SCGB2B2: variants seen among roughly 807,000 people sequenced by gnomAD.
SCGB2B2 encodes the protein secretoglobin family 2B member 2, also known as secretoglobin-like protein.
A neutral mutation model predicts 7.6 loss-of-function variants in SCGB2B2; 11 were observed. That is an observed-to-expected ratio of 1.45 (90% CI 0.91 to 2.40). The LOEUF is 2.40. Among genes scored for constraint, SCGB2B2 ranks in the 30% most tolerant of loss-of-function variants. SCGB2B2 has a pLI of 0.00. For synonymous variants in SCGB2B2, 50 were observed against 48.6 expected, an observed-to-expected ratio of 1.03 and a Z score of -0.12; for missense variants, 104 against 115.4, an observed-to-expected ratio of 0.90 and a Z score of 0.45.
chr19:34,612,500 C>A (rs2065960093), intron 1 of SCGB2B2, among the ~76,000 whole-genome samples: 1 of 152,184 alleles, frequency 6.6e-6, no homozygotes. Flanking sequence ...ATAACCCAAT[C>A]ATATTCTTTT....
intron 1 of SCGB2B2, chr19:34,645,541 GACACAC>G (rs112676925): frequency 3.9e-4 from 7 of 17,856 alleles, no homozygotes; most frequent in East Asian, 3.4e-3. Context: ...CACAGACACA[GACACAC>G]ACACACACAC....
chr19:34,609,312 G>A (rs190506278), intron 1 of SCGB2B2, among the ~76,000 whole-genome samples: 88 of 151,992 alleles, frequency 5.8e-4, no homozygotes, highest in Non-Finnish European at 1.1e-3. Flanking sequence ...TTGCTGTGCC[G>A]AAGCTTTTTA....
Position 34,607,158 on chromosome 19 carries a change from C to T in SCGB2B2, c.-2031-10564G>A, listed in dbSNP as rs146980398. Among the ~76,000 whole-genome samples the T allele has an allele frequency of 9.4e-3, 1,430 of 152,326 alleles. 5 individuals carry two copies. Among genetic ancestry groups the T allele is most frequent in the Non-Finnish European group, 0.016 (1,110 of 68,026 alleles). ...TCATGCAGGATTTGTGTTTCTGTGT[C>T]TAGCCTATTTCACTAGGCATAATGT... On this transcript the variant is annotated intron_variant, in intron 1 of 3. Transcript: ENST00000601241.
intron 1 of SCGB2B2, among the ~76,000 whole-genome samples, chr19:34,640,906 T>C (rs749144838): frequency 3.9e-5 from 6 of 152,138 alleles, no homozygotes; most frequent in Admixed American, 6.5e-5. Flanking sequence ...TTTAAAAAGG[T>C]TGGGAAAGTG....
downstream of SCGB2B2, among the ~76,000 whole-genome samples, chr19:34,587,811 G>A (rs752599385): frequency 6.6e-6 from 1 of 152,162 alleles, no homozygotes; most frequent in Non-Finnish European, 1.5e-5. Context: ...TACTCATTCT[G>A]TTGATGTGAT....
rs1372896261 is a variant in SCGB2B2 at position 34,676,038 on chromosome 19, C to T, written c.-2440G>A. On this transcript the variant is annotated 5_prime_UTR_variant, in exon 1 of 4. Coordinates refer to ENST00000601241, the MANE Select transcript of SCGB2B2 (RefSeq NM_001025591.4). ...GGGAAGTAGACCCCAGCGCGGTTGC[C>T]GCTGGTTGTTCGGGTGGCCCGTTTT... The T allele has an allele frequency of 6.6e-6, 1 of 152,202 alleles. No individual in the cohort carries two copies. Among genetic ancestry groups the T allele is most frequent in the African/African-American group, 2.4e-5 (1 of 41,426 alleles). 9.4% of individuals were successfully genotyped at this position (152,202 alleles called of 1,614,324 possible).
At chr19:34,617,312 C>T (rs1021263847) in intron 1 of SCGB2B2, among the ~76,000 whole-genome samples, 17 of 150,752 alleles carry the variant, frequency 1.1e-4, no homozygotes, top group Non-Finnish European at 2.2e-4. Flanking sequence ...TCTTCCTACC[C>T]ATGAGCATGG....
intron 1 of SCGB2B2, among the ~76,000 whole-genome samples, chr19:34,618,994 A>G (rs553668257): frequency 1.3e-5 from 2 of 152,260 alleles, no homozygotes; most frequent in African/African-American, 4.8e-5. Flanking sequence ...AAACAGGTTC[A>G]GCCTGCCTAC....
intron 1 of SCGB2B2, among the ~76,000 whole-genome samples, chr19:34,663,730 G>C (rs2146155003): frequency 1.3e-5 from 2 of 152,220 alleles, no homozygotes; most frequent in Admixed American, 1.3e-4. Context: ...TGTCACAATA[G>C]AAAGATGAGA....
At chr19:34,604,767 A>C (rs1468160320) in intron 1 of SCGB2B2, among the ~76,000 whole-genome samples, 1 of 152,214 alleles carries the variant, frequency 6.6e-6, no homozygotes, top group African/African-American at 2.4e-5. Flanking sequence ...TGCAGTTAAA[A>C]AGTGCATATT....
intron 1 of SCGB2B2, among the ~76,000 whole-genome samples, chr19:34,604,678 C>T (rs1373671649): frequency 1.3e-5 from 2 of 152,180 alleles, no homozygotes; most frequent in Non-Finnish European, 2.9e-5. Flanking sequence ...AAATTATATC[C>T]TCTATTTTAA....
chr19:34,638,650 T>C (rs2066758821), intron 1 of SCGB2B2, among the ~76,000 whole-genome samples: 1 of 152,174 alleles, frequency 6.6e-6, no homozygotes, highest in African/African-American at 2.4e-5. Context: ...AAATAGTCAC[T>C]GGAAAGTTTA....
intron 1 of SCGB2B2, among the ~76,000 whole-genome samples, chr19:34,601,648 T>C (rs960160373): frequency 6.6e-6 from 1 of 152,224 alleles, no homozygotes; most frequent in Non-Finnish European, 1.5e-5. Context: ...TGCTGTTGTA[T>C]AGGAAATTTT....
At chr19:34,625,843 G>A (rs892634174) in intron 1 of SCGB2B2, among the ~76,000 whole-genome samples, 2 of 152,158 alleles carry the variant, frequency 1.3e-5, no homozygotes, top group African/African-American at 2.4e-5. Flanking sequence ...CCTGACCCCC[G>A]AGTAGCCTAA....
Position 34,594,305 on chromosome 19 carries a change from GACACATCAA to G in SCGB2B2, c.107_115del (p.Phe36_Val38del). 6.2e-7 allele frequency: 1 copy of G among 1,614,160 alleles called. No individual in the cohort carries two copies. The highest frequency in any genetic ancestry group is 8.5e-7 in the Non-Finnish European group (1 of 1,180,016). ...AAGCTCCTCCTTCAGGAGGTCTTGG[GACACATCAA>G]ACACAACATTCGCAAGCAGTTTATC... On this transcript the variant is annotated inframe_deletion, in exon 3 of 4. Transcript: ENST00000601241.
chr19:34,640,557 GAAGAA>G (rs1463119097), intron 1 of SCGB2B2: 1 of 152,074 alleles, frequency 6.6e-6, no homozygotes, highest in East Asian at 1.9e-4. Context: ...TCAAATACAT[GAAGAA>G]AATTTCAATA....
rs117052075 is a variant in SCGB2B2, at chr19:34,601,068, G to A, written c.-2031-4474C>T. Among the ~76,000 whole-genome samples, 129 of 152,284 alleles carry A rather than the reference G, an allele frequency of 8.5e-4. 1 individual carries two copies. In the East Asian group the frequency reaches 0.017, roughly 20 times the overall value. ...ATAATCCACATGGAATGGACTTTGT[G>A]TAAGGTGTGGGTAAGAGTCCAATAC... On this transcript the variant is annotated intron_variant, in intron 1 of 3. Transcript: ENST00000601241.
intron 1 of SCGB2B2, among the ~76,000 whole-genome samples, chr19:34,630,739 T>C (rs1040271880): frequency 6.6e-6 from 1 of 152,162 alleles, no homozygotes; most frequent in African/African-American, 2.4e-5. Flanking sequence ...AGTATTACCA[T>C]TTGACCCAGC....
intron 1 of SCGB2B2, among the ~76,000 whole-genome samples, chr19:34,674,778 T>A (rs1473938604): frequency 5.9e-5 from 9 of 152,102 alleles, no homozygotes; most frequent in Admixed American, 2.0e-4. Flanking sequence ...GTTCAGCAAA[T>A]CCCAAGCAGG....
Sources: allele counts gnomAD v4.1 joint callset (sites outside exome capture counted in the v4.1 genomes callset), GRCh38; gene constraint gnomAD v4.1.1; transcripts MANE v1.5; gene names NCBI Gene and HGNC (gene_info 2026-07-23, HGNC 2026-07-21).